The following SLC9A1 variants were observed in gnomAD, a reference collection of about 807,000 sequenced individuals.
SLC9A1 encodes the protein sodium/hydrogen exchanger 1.
A neutral mutation model predicts 67.9 loss-of-function variants in SLC9A1; 22 were observed. The ratio of observed to expected loss-of-function variants is 0.32; its 90% CI spans 0.23 to 0.46. SLC9A1 has a LOEUF of 0.46. Ranked by LOEUF, SLC9A1 falls within the 20% of genes least tolerant of loss-of-function variation. The pLI is 1.00. For missense variants in SLC9A1, 686 were observed against 1,094.8 expected, an observed-to-expected ratio of 0.63 and a Z score of 5.27; for synonymous variants, 421 against 471.8, an observed-to-expected ratio of 0.89 and a Z score of 1.40.
In SLC9A1 at chr1:27,106,142, CCTGGATT is replaced by C; in HGVS notation, c.1283-62_1283-56del. 1 of 1,153,084 alleles carries C rather than the reference CCTGGATT, an allele frequency of 8.7e-7. No individual in the cohort carries two copies. The highest frequency in any genetic ancestry group is 1.3e-6 in the Non-Finnish European group (1 of 781,636). The allele number at this position is 1,153,084 out of a possible 1,614,324, so 71.4% of individuals were successfully genotyped here. ...TCAGGTCGGGCTGTCCCCAGTCCCT[CCTGGATT>C]CTGCATCAGTGATTTCTCTGTGCAT... On this transcript the variant is annotated intron_variant, in intron 4 of 11. Transcript: ENST00000263980. This position sits in a 1 kb window ranked among gnomAD's most constrained non-coding sequence, Gnocchi z 4.3.
chr1:27,132,662 C>A (rs1022245022), intron 1 of SLC9A1, among the ~76,000 whole-genome samples: 6 of 152,200 alleles, frequency 3.9e-5, no homozygotes, highest in African/African-American at 1.4e-4. Flanking sequence ...GTGCCTCCTA[C>A]AATTAGAGCA....
chr1:27,134,047 G>A (rs191323142), intron 1 of SLC9A1, among the ~76,000 whole-genome samples: 2 of 152,256 alleles, frequency 1.3e-5, no homozygotes, highest in East Asian at 1.9e-4. Flanking sequence ...ACAGGCATGA[G>A]CTACCGCGCC....
chr1:27,132,969 C>T (rs565818988), intron 1 of SLC9A1, among the ~76,000 whole-genome samples: 1 of 152,178 alleles, frequency 6.6e-6, no homozygotes, highest in African/African-American at 2.4e-5. Flanking sequence ...CCCACCTGGC[C>T]CCGTACCATG....
rs751683733 is a variant in SLC9A1 at position 27,154,199 on chromosome 1, T to A, written c.136A>T (p.Ile46Phe). 2 of 1,614,074 alleles carry A rather than the reference T, an allele frequency of 1.2e-6. No individual in the cohort carries two copies. Among genetic ancestry groups the A allele is most frequent in the South Asian group, 2.2e-5 (2 of 91,074 alleles). ...GLQLSPTAST[I>F]RSSEPPRERS... is the part of the protein sequence containing the mutation. ...TCTCGTGGTGGCTCTGAGCTTCGAATGGTGCTGGCAGTTGGGCTGAGCTGG... is the reference window on the plus strand; with the variant it reads ...TCTCGTGGTGGCTCTGAGCTTCGAAAGGTGCTGGCAGTTGGGCTGAGCTGG... The change falls in exon 1 of 12, where the codon ATT (isoleucine) becomes TTT (phenylalanine). Residue 46 changes from isoleucine to phenylalanine, a missense_variant. Around this residue, in one of 7 missense-constraint regions of SLC9A1, gnomAD observed 143 missense variants for 166.7 expected, o/e 0.86. Coordinates refer to ENST00000263980, the MANE Select transcript of SLC9A1 (RefSeq NM_003047.5).
At chr1:27,128,906 G>A (rs1053868521) in intron 1 of SLC9A1, among the ~76,000 whole-genome samples, 1 of 152,102 alleles carries the variant, frequency 6.6e-6, no homozygotes, top group Non-Finnish European at 1.5e-5. Flanking sequence ...GCAGTGAGCC[G>A]AGATCCTCAC....
chr1:27,100,206 C>T lies in SLC9A1; in HGVS notation c.*101G>A. On this transcript the variant is annotated 3_prime_UTR_variant, in exon 12 of 12. Transcript: ENST00000263980. The surrounding 1 kb of genome is among the most constrained non-coding windows in gnomAD (Gnocchi z 5.6). ...AGCTGCCATGCGGTAGGGGGAGGGG[C>T]AGGGCCAATCCGGGTCAGGAAGGGC... 1.2e-6 allele frequency: 1 copy of T among 849,676 alleles called. No homozygotes were observed. Among genetic ancestry groups the T allele is most frequent in the Non-Finnish European group, 1.7e-6 (1 of 574,368 alleles). 52.6% of individuals were successfully genotyped at this position (849,676 alleles called of 1,614,324 possible).
At chr1:27,150,964 A>G (rs967806379) in intron 1 of SLC9A1, among the ~76,000 whole-genome samples, 2 of 152,106 alleles carry the variant, frequency 1.3e-5, no homozygotes, top group Admixed American at 1.3e-4. Context: ...AATAGGCAAG[A>G]CCCCAAAATC....
rs180761372 is a variant in SLC9A1 at position 27,126,023 on chromosome 1, A to G, written c.353-11737T>C. 2.0e-5 allele frequency among the ~76,000 whole-genome samples: 3 copies of G among 152,094 alleles called. No individual in the cohort carries two copies. In the East Asian group the frequency reaches 5.8e-4, roughly 29 times the overall value. ...CTACTGGCCTCCTTGCTTTTCCTTG[A>G]GCACAAACATGCCCCCACCTCAGGG... On this transcript the variant is annotated intron_variant, in intron 1 of 11. Coordinates refer to ENST00000263980, the MANE Select transcript of SLC9A1 (RefSeq NM_003047.5).
At chr1:27,110,959 G>A (rs1297192475) in intron 2 of SLC9A1, among the ~76,000 whole-genome samples, 2 of 152,220 alleles carry the variant, frequency 1.3e-5, no homozygotes, top group Non-Finnish European at 2.9e-5. Flanking sequence ...GGACCGTGAG[G>A]AGTGACCTGT....
At chr1:27,136,803 G>A (rs1027683684) in intron 1 of SLC9A1, among the ~76,000 whole-genome samples, 5 of 152,176 alleles carry the variant, frequency 3.3e-5, no homozygotes, top group Non-Finnish European at 7.3e-5. Context: ...CCAGAGCCAA[G>A]AACACTGGGG....
chr1:27,108,777 A>G (rs1017454371), intron 3 of SLC9A1, among the ~76,000 whole-genome samples: 4 of 152,148 alleles, frequency 2.6e-5, no homozygotes, highest in Admixed American at 2.0e-4. Context: ...GTCCAACTCC[A>G]AAGCCTGCAC....
At position 27,109,803 on chromosome 1, in the gene SLC9A1, G is replaced by A. The variant is rs1570852139; in HGVS notation, c.814-26C>T. The A allele has an allele frequency of 1.9e-6, 3 of 1,612,080 alleles. No individual in the cohort carries two copies. Among genetic ancestry groups the A allele is most frequent in the East Asian group, 2.2e-5 (1 of 44,862 alleles). ...CTGGGGAGGGTGTGCAGGCTGGTGGGTGGGAGGAGAGGGCCCTGGCCCCAC... is the reference window on the plus strand; with the variant it reads ...CTGGGGAGGGTGTGCAGGCTGGTGGATGGGAGGAGAGGGCCCTGGCCCCAC... On this transcript the variant is annotated intron_variant, in intron 2 of 11. Transcript: ENST00000263980. This position sits in a 1 kb window ranked among gnomAD's most constrained non-coding sequence, Gnocchi z 5.5.
chr1:27,131,015 G>A (rs919673720), intron 1 of SLC9A1, among the ~76,000 whole-genome samples: 3 of 152,258 alleles, frequency 2.0e-5, no homozygotes, highest in African/African-American at 7.2e-5. Flanking sequence ...GCCTTTGTCA[G>A]TGCCCACTTC....
chr1:27,113,995 C>A lies in SLC9A1; in HGVS notation c.644G>T (p.Gly215Val). The A allele has an allele frequency of 6.2e-7, 1 of 1,614,198 alleles. No individual in the cohort carries two copies. Among genetic ancestry groups the A allele is most frequent in the Non-Finnish European group, 8.5e-7 (1 of 1,180,052 alleles). Residue 215 changes from glycine (G) to valine (V), a missense_variant, in exon 2 of 12, where the codon GGC becomes GTC. Transcript: ENST00000263980. ...GCCGATGTTGTTGATCTGCTCACCG[C>A]CCACCAGGCACACGGCGTACATGAG... ...GGLMYAVCLV[G>V]GEQINNIGLL...
At chr1:27,151,534 G>C (rs1420992216) in intron 1 of SLC9A1, among the ~76,000 whole-genome samples, 1 of 151,946 alleles carries the variant, frequency 6.6e-6, no homozygotes, top group Non-Finnish European at 1.5e-5. Context: ...CTAATTTTTT[G>C]TATTTTTAGT....
chr1:27,103,742 A>G (rs996880818), intron 5 of SLC9A1: 1 of 217,062 alleles, frequency 4.6e-6, no homozygotes, highest in African/African-American at 2.2e-5. Flanking sequence ...CACACCTGCC[A>G]TGTGACCAAC....
chr1:27,103,477 C>T, intron 5 of SLC9A1, 165 bp from the exon 6 acceptor site: 1 of 632,808 alleles, frequency 1.6e-6, no homozygotes, highest in Non-Finnish European at 2.9e-6. Flanking sequence ...CAGCACTTAT[C>T]TAAAGACAGG....
rs376133212 is a variant in SLC9A1 at position 27,101,170 on chromosome 1, G to A, written c.2110+33C>T. 4 of 1,558,602 alleles carry A rather than the reference G, an allele frequency of 2.6e-6. No individual in the cohort carries two copies. Among genetic ancestry groups the A allele is most frequent in the Admixed American group, 3.3e-5 (2 of 59,790 alleles). ...TCCTCAGGAGGTGGCAGCTCAGAGT[G>A]CCCAGTCCTGAGGCCCCTCGCCAGG... On this transcript the variant is annotated intron_variant, in intron 11 of 11. Transcript: ENST00000263980. The surrounding 1 kb of genome is among the most constrained non-coding windows in gnomAD (Gnocchi z 4.9).
At chr1:27,107,611 A>C (rs1570849747) in intron 4 of SLC9A1, 37 bp downstream of exon 4, 2 of 1,440,288 alleles carry the variant, frequency 1.4e-6, no homozygotes, top group Non-Finnish European at 1.9e-6. Flanking sequence ...CACACCCCAC[A>C]CCACAACCCC....
Sources: gnomAD v4.1 joint callset for allele counts (sites outside exome capture counted in the v4.1 genomes callset) on GRCh38, gnomAD v4.1.1 for gene constraint, gnomAD v4.1.1 regional missense constraint, Gnocchi (gnomAD v3.1) non-coding constraint, MANE v1.5 for transcripts, NCBI Gene and HGNC (gene_info 2026-07-23, HGNC 2026-07-21) for gene names.